The following LIN28B variants were observed in gnomAD, a reference collection of about 807,000 sequenced individuals.
LIN28B encodes the protein protein lin-28 homolog B.
Under a neutral mutation model 21.9 loss-of-function variants are expected in LIN28B, and 5 were observed. That is an observed-to-expected ratio of 0.23 (90% confidence interval 0.12 to 0.48). The LOEUF is 0.48. Among genes scored for constraint, LIN28B ranks in the 20% least tolerant of loss-of-function variants. The pLI, the probability that LIN28B is intolerant of heterozygous loss-of-function variation, is 0.98. For synonymous variants in LIN28B, 109 were observed against 111.3 expected, an observed-to-expected ratio of 0.98 and a Z score of 0.13; for missense variants, 245 against 310.5, an observed-to-expected ratio of 0.79 and a Z score of 1.58.
intron 2 of LIN28B, among the ~76,000 whole-genome samples, chr6:105,022,654 G>C (rs1771163257): frequency 6.6e-6 from 1 of 152,018 alleles, no homozygotes; most frequent in Middle Eastern, 3.2e-3. Flanking sequence ...GAAAGGTCTG[G>C]GTGGGGATGG....
intron 2 of LIN28B, among the ~76,000 whole-genome samples, chr6:104,977,717 G>A (rs568864986): frequency 7.2e-5 from 11 of 152,106 alleles, no homozygotes; most frequent in African/African-American, 2.2e-4. Flanking sequence ...ACAGGCGTGC[G>A]CCACCATGCC....
At chr6:104,978,362 T>C (rs1022883470) in intron 2 of LIN28B, among the ~76,000 whole-genome samples, 1 of 152,202 alleles carries the variant, frequency 6.6e-6, no homozygotes, top group African/African-American at 2.4e-5. Flanking sequence ...GAGATGGTAT[T>C]AAATGTAACT....
chr6:104,976,972 A>G (rs1582874699), intron 2 of LIN28B, among the ~76,000 whole-genome samples: 1 of 152,214 alleles, frequency 6.6e-6, no homozygotes, highest in East Asian at 1.9e-4. Flanking sequence ...TCTGAATAAA[A>G]TTTAGACATC....
intron 2 of LIN28B, among the ~76,000 whole-genome samples, chr6:104,978,403 G>A (rs1770152184): frequency 6.6e-6 from 1 of 152,040 alleles, no homozygotes. Context: ...AGAGACCTGT[G>A]TTTGAATCCC....
intron 3 of LIN28B, among the ~76,000 whole-genome samples, chr6:105,032,305 T>C (rs537054191): frequency 6.6e-6 from 1 of 152,318 alleles, no homozygotes. Flanking sequence ...CATATATGTA[T>C]GTTTAACTTT....
At chr6:104,995,022 C>T (rs2114278239) in intron 2 of LIN28B, among the ~76,000 whole-genome samples, 1 of 152,324 alleles carries the variant, frequency 6.6e-6, no homozygotes, top group Admixed American at 6.5e-5. Context: ...GAAATACTCA[C>T]TGGAGCATTT....
chr6:105,020,897 C>T (rs970868739), intron 2 of LIN28B, among the ~76,000 whole-genome samples: 6 of 151,868 alleles, frequency 4.0e-5, no homozygotes, highest in Middle Eastern at 3.4e-3. Context: ...GGACTACAGA[C>T]GCCCACCACC....
At chr6:105,019,744 A>G (rs982591297) in intron 2 of LIN28B, among the ~76,000 whole-genome samples, 1 of 152,146 alleles carries the variant, frequency 6.6e-6, no homozygotes, top group Admixed American at 6.5e-5. Flanking sequence ...AAACTTCTAG[A>G]AATTTATTGA....
chr6:104,974,843 G>A (rs1160348262), intron 2 of LIN28B, among the ~76,000 whole-genome samples: 1 of 151,808 alleles, frequency 6.6e-6, no homozygotes, highest in African/African-American at 2.4e-5. Context: ...TTTTTGAGAT[G>A]GAGTCTCACT....
chr6:105,079,792 G>A lies in LIN28B; in HGVS notation c.*1009G>A, dbSNP rs1035638223. 2.6e-5 allele frequency: 4 copies of A among 152,120 alleles called. No homozygotes were observed. Among genetic ancestry groups the A allele is most frequent in the Admixed American group, 1.3e-4 (2 of 15,270 alleles). The allele number at this position is 152,120 out of a possible 1,614,324, so 9.4% of individuals were successfully genotyped here. On this transcript the variant is annotated 3_prime_UTR_variant, in exon 4 of 4. Transcript: ENST00000345080. ...TCCAATTGTTTGGCATATATTTTTGGTGGTGGTTTTTATTCCTCCTGGAGA... is the reference window on the plus strand; with the variant it reads ...TCCAATTGTTTGGCATATATTTTTGATGGTGGTTTTTATTCCTCCTGGAGA...
intron 3 of LIN28B, among the ~76,000 whole-genome samples, chr6:105,058,774 T>A (rs75754047): frequency 1.3e-5 from 2 of 152,224 alleles, no homozygotes; most frequent in Non-Finnish European, 2.9e-5. Flanking sequence ...ATAATGTCAT[T>A]TTAATGTATG....
chr6:105,046,975 C>T (rs1188050581), intron 3 of LIN28B, among the ~76,000 whole-genome samples: 1 of 152,150 alleles, frequency 6.6e-6, no homozygotes, highest in East Asian at 1.9e-4. Context: ...GTTGCCTGTT[C>T]ACTCTGATGG....
intron 2 of LIN28B, among the ~76,000 whole-genome samples, chr6:104,995,104 A>C (rs1562085944): frequency 1.3e-5 from 2 of 152,194 alleles, no homozygotes; most frequent in Admixed American, 1.3e-4. Context: ...GAAATGTCCA[A>C]AATCTCAAAC....
In LIN28B at chr6:104,994,674, G is replaced by C. The variant is rs1770563742; in HGVS notation, c.199-31624G>C. Among the ~76,000 whole-genome samples the C allele has an allele frequency of 2.0e-5, 3 of 152,204 alleles. No homozygotes were observed. In the South Asian group the frequency reaches 6.2e-4, roughly 32 times the overall value. On this transcript the variant is annotated intron_variant, in intron 2 of 3. Coordinates refer to ENST00000345080, the MANE Select transcript of LIN28B (RefSeq NM_001004317.4). ...GTAAGAGAAGGGTCTTTGTCAGGCAGTAATTCTCAACAGAGAAGGCATTAC... is the reference window on the plus strand; with the variant it reads ...GTAAGAGAAGGGTCTTTGTCAGGCACTAATTCTCAACAGAGAAGGCATTAC...
intron 2 of LIN28B, among the ~76,000 whole-genome samples, chr6:104,964,276 C>T (rs910544613): frequency 2.0e-5 from 3 of 152,192 alleles, no homozygotes; most frequent in Admixed American, 1.3e-4. Context: ...GATACTCCCT[C>T]CTCAGCCTCC....
intron 2 of LIN28B, chr6:104,950,320 T>A: frequency 4.7e-6 from 2 of 422,310 alleles, no homozygotes; most frequent in Non-Finnish European, 8.0e-6. Context: ...AGGTGAGTCT[T>A]AAACTGTAAA....
rs1446887392 is a variant in LIN28B, at chr6:104,990,799, C to G, written c.198+32513C>G. On this transcript the variant is annotated intron_variant, in intron 2 of 3. Coordinates refer to ENST00000345080, the MANE Select transcript of LIN28B (RefSeq NM_001004317.4). ...ATGCTGCCTTCAAGCATCTGTTTAACAAAGCGCATCTTGCACCGCCCTTAA... is the reference window on the plus strand; with the variant it reads ...ATGCTGCCTTCAAGCATCTGTTTAAGAAAGCGCATCTTGCACCGCCCTTAA... Among the ~76,000 whole-genome samples, 5 of 152,278 alleles carry G rather than the reference C, an allele frequency of 3.3e-5. No individual in the cohort carries two copies. In the South Asian group the frequency reaches 6.2e-4, roughly 19 times the overall value.
At chr6:105,068,003 T>G (rs908384203) in intron 3 of LIN28B, among the ~76,000 whole-genome samples, 24 of 152,190 alleles carry the variant, frequency 1.6e-4, no homozygotes, top group African/African-American at 5.3e-4. Context: ...GCATTTTTCC[T>G]CTTACCTTCT....
chr6:105,033,569 C>T (rs1771467071), intron 3 of LIN28B, among the ~76,000 whole-genome samples: 1 of 151,956 alleles, frequency 6.6e-6, no homozygotes, highest in East Asian at 1.9e-4. Flanking sequence ...ATTTTAAATC[C>T]TCCACATTTG....
Sources: gnomAD v4.1 joint callset for allele counts (sites outside exome capture counted in the v4.1 genomes callset) on GRCh38, gnomAD v4.1.1 for gene constraint, MANE v1.5 for transcripts, NCBI Gene and HGNC (gene_info 2026-07-23, HGNC 2026-07-21) for gene names.